The following EXOC5 variants were observed in gnomAD, a reference collection of about 807,000 sequenced individuals.
EXOC5 encodes SEC10-like 1.
A neutral mutation model predicts 90.8 loss-of-function variants in EXOC5; 17 were observed. The observed-to-expected ratio is 0.19, with a 90% CI of 0.13 to 0.28. The LOEUF (loss-of-function observed/expected upper bound fraction) is 0.28, where lower values mean the gene tolerates loss of function less well. Among genes scored for constraint, EXOC5 ranks in the 10% least tolerant of loss-of-function variants. The pLI is 1.00. For synonymous variants in EXOC5, 260 were observed against 270.0 expected (o/e 0.96, Z 0.36); for missense variants, 569 against 830.6 (o/e 0.69, Z 3.87).
chr14:57,205,971 C>T lies in EXOC5; in HGVS notation c.*2638G>A. Reference sequence around the variant, plus strand: ...ATAATTCTTCATAAGGACACTTCATCTACTCTGGTTGACTGTCATTTTCAA... The same window carrying T: ...ATAATTCTTCATAAGGACACTTCATTTACTCTGGTTGACTGTCATTTTCAA... On this transcript the variant is annotated 3_prime_UTR_variant, in exon 18 of 18. Coordinates refer to ENST00000621441, the MANE Select transcript of EXOC5 (RefSeq NM_006544.4). 1 of 456,172 alleles carries T rather than the reference C, an allele frequency of 2.2e-6. No homozygotes were observed. Among genetic ancestry groups the T allele is most frequent in the Non-Finnish European group, 4.4e-6 (1 of 226,646 alleles). The allele number at this position is 456,172 out of a possible 1,614,324, so 28.3% of individuals were successfully genotyped here.
At chr14:57,242,025 C>G (rs933701914) in intron 4 of EXOC5, among the ~76,000 whole-genome samples, 1 of 150,404 alleles carries the variant, frequency 6.6e-6, no homozygotes, top group African/African-American at 2.4e-5. Context: ...CCCAGCTACT[C>G]AGGAGGCTGA....
chr14:57,231,592 A>C lies in EXOC5; in HGVS notation c.1062T>G (p.Thr354=). Residue 354 remains threonine (T), a synonymous_variant, in exon 11 of 18, where the codon ACT becomes ACG. Transcript: ENST00000621441. The stretch of plus-strand genomic sequence containing the variant: ...TAGCACTTCTGCTTTTCAAATATCC[A>C]GTCTCCACCTCAATATAGTTCTCCA... The part of the protein sequence containing the change: ...SYLENYIEVE[T]GYLKSRSAMI... 6.2e-7 allele frequency: 1 copy of C among 1,613,096 alleles called. No homozygotes were observed. Among genetic ancestry groups the C allele is most frequent in the Non-Finnish European group, 8.5e-7 (1 of 1,179,514 alleles).
chr14:57,248,309 G>A (rs1884087086), intron 1 of EXOC5, among the ~76,000 whole-genome samples: 1 of 151,750 alleles, frequency 6.6e-6, no homozygotes, highest in African/African-American at 2.4e-5. Context: ...AAAAATCTCT[G>A]CAGAATGTTC....
intron 13 of EXOC5, among the ~76,000 whole-genome samples, chr14:57,220,094 A>C (rs1404570440): frequency 2.0e-5 from 3 of 152,172 alleles, no homozygotes; most frequent in Admixed American, 1.3e-4. Flanking sequence ...TAAGAGACTA[A>C]AGAAAATATG....
chr14:57,212,399 C>T (rs750226101), intron 15 of EXOC5, among the ~76,000 whole-genome samples: 27 of 152,178 alleles, frequency 1.8e-4, no homozygotes, highest in Non-Finnish European at 3.8e-4. Context: ...GTTAGCATAA[C>T]GGTGGACCCA....
intron 15 of EXOC5, 67 bp downstream of exon 15, chr14:57,217,909 AGTATTT>A: frequency 1.3e-6 from 1 of 766,380 alleles, no homozygotes; most frequent in Non-Finnish European, 2.3e-6. Context: ...TTCTCTACAA[AGTATTT>A]TCATGCTGCT....
intron 5 of EXOC5, among the ~76,000 whole-genome samples, chr14:57,239,173 G>A (rs531999195): frequency 3.3e-4 from 50 of 152,180 alleles, no homozygotes; most frequent in African/African-American, 9.6e-4. Context: ...AGGTGATAGC[G>A]TTCATCAGCT....
At chr14:57,253,571 A>G (rs1425181876) in intron 1 of EXOC5, among the ~76,000 whole-genome samples, 2 of 152,230 alleles carry the variant, frequency 1.3e-5, no homozygotes, top group African/African-American at 4.8e-5. Context: ...GAAAAAGAAC[A>G]GAGCAGCAGG....
intron 1 of EXOC5, among the ~76,000 whole-genome samples, chr14:57,261,715 A>G (rs1311552447): frequency 6.6e-6 from 1 of 152,198 alleles, no homozygotes; most frequent in East Asian, 1.9e-4. Flanking sequence ...GGGCTGCTCA[A>G]CTTGGCTAGA....
intron 5 of EXOC5, 177 bp from the exon 6 acceptor site, chr14:57,237,543 A>G: frequency 4.1e-6 from 2 of 485,176 alleles, no homozygotes; most frequent in Non-Finnish European, 7.4e-6. Context: ...TTGTAAAAAG[A>G]AAAAAGACAA....
At chr14:57,237,757 A>G (rs1594667682) in intron 5 of EXOC5, 1 of 156,038 alleles carries the variant, frequency 6.4e-6, no homozygotes, top group Admixed American at 6.5e-5. Flanking sequence ...TTTTAAATAC[A>G]CTTGATTATT....
At chr14:57,253,669 C>T (rs1318983885) in intron 1 of EXOC5, among the ~76,000 whole-genome samples, 2 of 152,060 alleles carry the variant, frequency 1.3e-5, no homozygotes, top group Non-Finnish European at 2.9e-5. Context: ...ACATACAGAA[C>T]AAGTGAACAG....
At chr14:57,233,615 C>T (rs1231934953) in intron 9 of EXOC5, 128 bp downstream of exon 9, 4 of 611,438 alleles carry the variant, frequency 6.5e-6, no homozygotes, top group Non-Finnish European at 1.1e-5. Context: ...ATTCCTTTCT[C>T]CTTAACTAGA....
intron 1 of EXOC5, among the ~76,000 whole-genome samples, chr14:57,256,050 A>T (rs1389706555): frequency 6.6e-6 from 1 of 152,128 alleles, no homozygotes; most frequent in Non-Finnish European, 1.5e-5. Flanking sequence ...TTGGTGCCCA[A>T]AGAAGGAACA....
At chr14:57,221,082 A>C (rs1883123633) in intron 13 of EXOC5, among the ~76,000 whole-genome samples, 1 of 152,200 alleles carries the variant, frequency 6.6e-6, no homozygotes, top group Admixed American at 6.5e-5. Context: ...AATAAGGATA[A>C]CTGGGCTGGG....
intron 1 of EXOC5, among the ~76,000 whole-genome samples, chr14:57,263,978 C>T (rs774694353): frequency 6.6e-6 from 1 of 152,114 alleles, no homozygotes; most frequent in Non-Finnish European, 1.5e-5. Flanking sequence ...TATGCCATTA[C>T]TAAATGAAAC....
At chr14:57,219,225 A>T in intron 14 of EXOC5, 97 bp downstream of exon 14, 1 of 667,964 alleles carries the variant, frequency 1.5e-6, no homozygotes, top group Non-Finnish European at 2.2e-6. Flanking sequence ...TTTTTTGTGA[A>T]AATGTACTTT....
At chr14:57,251,779 C>T (rs1215241190) in intron 1 of EXOC5, among the ~76,000 whole-genome samples, 6 of 151,386 alleles carry the variant, frequency 4.0e-5, no homozygotes, top group Admixed American at 6.6e-5. Context: ...GTTGGTTTTC[C>T]GAAAAGATCA....
chr14:57,210,562 T>A (rs1014852413), intron 15 of EXOC5, among the ~76,000 whole-genome samples: 3 of 152,198 alleles, frequency 2.0e-5, no homozygotes, highest in Non-Finnish European at 4.4e-5. Flanking sequence ...GGTAATTTTA[T>A]AAAATATTTT....
Sources: allele counts gnomAD v4.1 joint callset (sites outside exome capture counted in the v4.1 genomes callset), GRCh38; gene constraint gnomAD v4.1.1; transcripts MANE v1.5; gene names NCBI Gene and HGNC (gene_info 2026-07-23, HGNC 2026-07-21).